Variants in RYR3 observed in about 807,000 individuals in gnomAD.
RYR3 encodes the protein brain ryanodine receptor-calcium release channel.
A neutral mutation model predicts 584.3 loss-of-function variants in RYR3; 207 were observed. The observed-to-expected ratio is 0.35, with a 90% CI of 0.32 to 0.40. The LOEUF (loss-of-function observed/expected upper bound fraction) is 0.40, where lower values mean the gene tolerates loss of function less well. Ranked by LOEUF, RYR3 falls within the 10% of genes least tolerant of loss-of-function variation. The probability of loss-of-function intolerance (pLI) is 1.00; values close to 1 mark genes in which losing one functional copy is unlikely to be tolerated. For synonymous variants in RYR3, 2,416 were observed against 2,248.5 expected (o/e 1.07, Z -2.11); for missense variants, 5,616 against 6,089.2 (o/e 0.92, Z 2.59).
intron 1 of RYR3, among the ~76,000 whole-genome samples, chr15:33,458,366 T>C (rs1345674446): frequency 6.6e-6 from 1 of 152,190 alleles, no homozygotes; most frequent in Non-Finnish European, 1.5e-5. Context: ...TTGTCTGCCC[T>C]TGGACCTTGT....
chr15:33,534,416 G>A (rs1376190884), intron 5 of RYR3, among the ~76,000 whole-genome samples: 3 of 152,182 alleles, frequency 2.0e-5, no homozygotes, highest in African/African-American at 7.2e-5. Context: ...GAAAAAAGTA[G>A]TAAAACTGAA....
intron 27 of RYR3, 50 bp downstream of exon 27, chr15:33,636,600 A>T: frequency 6.7e-7 from 1 of 1,497,250 alleles, no homozygotes; most frequent in Non-Finnish European, 9.0e-7. Flanking sequence ...CTGGAGGAAA[A>T]TATAGGGAGA....
chr15:33,838,914 C>A lies in RYR3; in HGVS notation c.12934C>A (p.Pro4312Thr). ...CTCAGAAATTATTGGCAAGGATGAA[C>A]CCCCTACATTAGAGAGTACTGTACA... ...DLSEIIGKDE[P>T]PTLESTVQKK... The change falls in exon 89 of 104, where the codon CCC becomes ACC. Residue 4312 changes from proline to threonine, a missense_variant. Around this residue, in one of 9 missense-constraint regions of RYR3, gnomAD observed 918 missense variants for 887.4 expected, o/e 1.03. Coordinates refer to ENST00000634891, the MANE Select transcript of RYR3 (RefSeq NM_001036.6). The A allele has an allele frequency of 6.2e-7, 1 of 1,613,802 alleles. No individual in the cohort carries two copies. Among genetic ancestry groups the A allele is most frequent in the Non-Finnish European group, 8.5e-7 (1 of 1,179,772 alleles).
rs183888163 is a variant in RYR3, at chr15:33,461,838, C to G, written c.52-11581C>G. 2.0e-3 allele frequency among the ~76,000 whole-genome samples: 312 copies of G among 152,262 alleles called. 3 individuals carry two copies. Among genetic ancestry groups the G allele is most frequent in the Non-Finnish European group, 2.9e-3 (195 of 68,018 alleles). ...TTCTGCAAACCAGTGCAACCCCAAG[C>G]CTGTCTGAGCTTAATGTATAAGCTG... On this transcript the variant is annotated intron_variant, in intron 1 of 103. Transcript: ENST00000634891.
intron 51 of RYR3, among the ~76,000 whole-genome samples, chr15:33,741,493 CTG>C (rs1468098882): frequency 8.8e-6 from 1 of 114,020 alleles, no homozygotes; most frequent in African/African-American, 3.3e-5. Context: ...CAATATAAGA[CTG>C]TGCAATGCAA....
intron 65 of RYR3, among the ~76,000 whole-genome samples, chr15:33,784,161 G>A (rs2074561870): frequency 6.6e-6 from 1 of 152,226 alleles, no homozygotes; most frequent in Non-Finnish European, 1.5e-5. Context: ...AGAATCACTT[G>A]TCTCAGCTGC....
chr15:33,747,166 A>G (rs1567082297), intron 53 of RYR3, among the ~76,000 whole-genome samples: 1 of 152,102 alleles, frequency 6.6e-6, no homozygotes, highest in Non-Finnish European at 1.5e-5. Context: ...AATCCTCAAG[A>G]AAATATGGTT....
chr15:33,375,231 A>G (rs1307056186), intron 1 of RYR3, among the ~76,000 whole-genome samples: 1 of 151,326 alleles, frequency 6.6e-6, no homozygotes, highest in Non-Finnish European at 1.5e-5. Flanking sequence ...GTGAAATAAT[A>G]CAAAGCGCTT....
chr15:33,463,527 T>G (rs1314980576), intron 1 of RYR3, among the ~76,000 whole-genome samples: 2 of 152,126 alleles, frequency 1.3e-5, no homozygotes, highest in Non-Finnish European at 2.9e-5. Context: ...ATAGAAAACT[T>G]AAACAAATTG....
chr15:33,851,023 G>C (rs2079072623), intron 94 of RYR3: 1 of 152,050 alleles, frequency 6.6e-6, no homozygotes, highest in Non-Finnish European at 1.5e-5. Context: ...ACTGTCACTT[G>C]AATTTTTTTT....
intron 96 of RYR3, 54 bp from the exon 97 acceptor site, chr15:33,854,335 C>A: frequency 1.4e-6 from 2 of 1,431,986 alleles, no homozygotes; most frequent in South Asian, 1.3e-5. Context: ...CCTTATTGAG[C>A]ACTTAACTAC....
chr15:33,571,651 ATTGTC>A (rs1405680590), intron 12 of RYR3, among the ~76,000 whole-genome samples: 3 of 152,124 alleles, frequency 2.0e-5, no homozygotes, highest in Non-Finnish European at 4.4e-5. Flanking sequence ...TGTATGGCAT[ATTGTC>A]TTCAATCTTT....
chr15:33,369,145 C>G (rs1394799173), intron 1 of RYR3, among the ~76,000 whole-genome samples: 2 of 149,222 alleles, frequency 1.3e-5, no homozygotes, highest in African/African-American at 2.4e-5. Context: ...GAGAAGGAAA[C>G]TGAATCACCA....
chr15:33,687,568 A>G (rs1039624291), intron 38 of RYR3, among the ~76,000 whole-genome samples: 3 of 152,224 alleles, frequency 2.0e-5, no homozygotes, highest in African/African-American at 7.2e-5. Context: ...AACTACTTTA[A>G]AGTTAATATG....
intron 1 of RYR3, among the ~76,000 whole-genome samples, chr15:33,387,061 G>A (rs2041654990): frequency 6.6e-6 from 1 of 151,934 alleles, no homozygotes; most frequent in Non-Finnish European, 1.5e-5. Flanking sequence ...GTTTCACCAC[G>A]TTAGCCAGGA....
chr15:33,531,244 T>C (rs555661256), intron 4 of RYR3, among the ~76,000 whole-genome samples: 9 of 152,170 alleles, frequency 5.9e-5, no homozygotes, highest in African/African-American at 2.2e-4. Context: ...TAATCAGGGA[T>C]CTAGAACCAG....
intron 67 of RYR3, among the ~76,000 whole-genome samples, chr15:33,790,170 T>C (rs1219641470): frequency 6.6e-6 from 1 of 151,218 alleles, no homozygotes; most frequent in African/African-American, 2.4e-5. Flanking sequence ...TTTATTGTAT[T>C]TTTTAGTAGA....
At chr15:33,497,000 G>C (rs771332527) in intron 2 of RYR3, among the ~76,000 whole-genome samples, 1 of 152,166 alleles carries the variant, frequency 6.6e-6, no homozygotes, top group African/African-American at 2.4e-5. Context: ...GTACAGGAAC[G>C]AATGTACATT....
At chr15:33,653,269 T>G (rs1438881430) in intron 32 of RYR3, among the ~76,000 whole-genome samples, 1 of 152,214 alleles carries the variant, frequency 6.6e-6, no homozygotes, top group Non-Finnish European at 1.5e-5. Context: ...TTTAAGAAAC[T>G]TCTGTACTCA....
Sources: allele counts gnomAD v4.1 joint callset (sites outside exome capture counted in the v4.1 genomes callset), GRCh38; gene constraint gnomAD v4.1.1; regional missense constraint gnomAD v4.1.1; transcripts MANE v1.5; gene names NCBI Gene and HGNC (gene_info 2026-07-23, HGNC 2026-07-21).